GDA: variants seen among roughly 807,000 people sequenced by gnomAD.
The protein encoded by GDA is guanine deaminase, also known as cytoplasmic PSD-95 interactor.
Under a neutral mutation model 59.6 loss-of-function variants are expected in GDA, and 18 were observed. The observed-to-expected ratio is 0.30, with a 90% CI of 0.21 to 0.45. The LOEUF is 0.45. GDA is among the 20% of genes least tolerant of loss of function. The probability of loss-of-function intolerance (pLI) is 1.00; values close to 1 mark genes in which losing one functional copy is unlikely to be tolerated. For synonymous variants in GDA, 201 were observed against 201.1 expected, an observed-to-expected ratio of 1.00 and a Z score of 0.00; for missense variants, 427 against 552.3, an observed-to-expected ratio of 0.77 and a Z score of 2.27.
intron 1 of GDA, among the ~76,000 whole-genome samples, chr9:72,165,673 G>A (rs1376995634): frequency 1.3e-5 from 2 of 152,062 alleles, no homozygotes; most frequent in South Asian, 2.1e-4. Context: ...CGAGGTGGGC[G>A]GATCATCGGA....
At chr9:72,124,841 C>T (rs1030356076) in intron 1 of GDA, among the ~76,000 whole-genome samples, 1 of 152,044 alleles carries the variant, frequency 6.6e-6, no homozygotes, top group Non-Finnish European at 1.5e-5. Flanking sequence ...AACTCCTGAC[C>T]TTGTGATCCA....
intron 1 of GDA, among the ~76,000 whole-genome samples, chr9:72,172,056 T>A (rs1400215778): frequency 1.3e-5 from 2 of 152,126 alleles, no homozygotes; most frequent in East Asian, 1.9e-4. Context: ...AAGAAACACC[T>A]AAAAAATTTA....
chr9:72,219,361 C>G (rs1836563864), intron 5 of GDA, 118 bp from the exon 6 acceptor site: 4 of 683,324 alleles, frequency 5.9e-6, no homozygotes, highest in Non-Finnish European at 7.4e-6. Flanking sequence ...CGAGATCGCA[C>G]CACTTCACTC....
chr9:72,231,804 C>T (rs1046256676), intron 10 of GDA, among the ~76,000 whole-genome samples: 1 of 152,144 alleles, frequency 6.6e-6, no homozygotes, highest in Non-Finnish European at 1.5e-5. Context: ...ATTACAAATG[C>T]TGTCTCAAAA....
intron 1 of GDA, among the ~76,000 whole-genome samples, chr9:72,161,004 T>A (rs1042549263): frequency 6.6e-6 from 1 of 152,070 alleles, no homozygotes; most frequent in Non-Finnish European, 1.5e-5. Context: ...CTTCCCAAGT[T>A]CAAGCAATTC....
intron 1 of GDA, among the ~76,000 whole-genome samples, chr9:72,153,558 T>TA (rs1827497850): frequency 6.6e-6 from 1 of 150,410 alleles, no homozygotes; most frequent in Admixed American, 6.6e-5. Flanking sequence ...CTATTCACAA[T>TA]AGCAAAGACT....
chr9:72,227,847 C>G, intron 8 of GDA, 96 bp from the exon 9 acceptor site: 1 of 684,220 alleles, frequency 1.5e-6, no homozygotes, highest in Non-Finnish European at 2.6e-6. Context: ...AACAGCCAAG[C>G]TACAGCTTCG....
At chr9:72,202,894 T>TAC in intron 3 of GDA, 152 bp downstream of exon 3, 2 of 467,526 alleles carry the variant, frequency 4.3e-6, no homozygotes, top group Admixed American at 3.8e-5. Context: ...TCCAGTGAGT[T>TAC]TGTGACCACC....
chr9:72,236,833 G>A (rs1428565092), intron 10 of GDA, among the ~76,000 whole-genome samples: 3 of 143,648 alleles, frequency 2.1e-5, no homozygotes, highest in Non-Finnish European at 4.5e-5. Context: ...AAGCTGGAGT[G>A]CAGTGGCACG....
chr9:72,245,077 C>A, intron 11 of GDA, 71 bp from the exon 12 acceptor site: 3 of 1,473,768 alleles, frequency 2.0e-6, no homozygotes, highest in Admixed American at 2.0e-5. Context: ...AAAATCTGTC[C>A]TTACAAACTG....
In GDA at chr9:72,228,041, G is replaced by GT; in HGVS notation, c.920+2dup. The GT allele has an allele frequency of 6.8e-7, 1 of 1,479,778 alleles. No individual in the cohort carries two copies. Among genetic ancestry groups the GT allele is most frequent in the Non-Finnish European group, 9.4e-7 (1 of 1,059,134 alleles). 91.7% of individuals were successfully genotyped at this position (1,479,778 alleles called of 1,614,324 possible). A position where few individuals can be genotyped will look rare whatever the true frequency, so the allele number is the denominator to read the frequency against. On this transcript the variant is annotated splice_donor_variant, in intron 9 of 13. Coordinates refer to ENST00000358399, the MANE Select transcript of GDA (RefSeq NM_004293.5). LOFTEE classifies it high-confidence loss of function. ...CACACTGTCCCAATTCTAATTTATCGTAAGTAGACAATGATTGTTTGGTAG... is the reference window on the plus strand; with the variant it reads ...CACACTGTCCCAATTCTAATTTATCGTTAAGTAGACAATGATTGTTTGGTAG...
intron 9 of GDA, 31 bp downstream of exon 9, chr9:72,228,071 C>A: frequency 1.6e-6 from 2 of 1,226,268 alleles, no homozygotes; most frequent in Non-Finnish European, 2.4e-6. Context: ...TGGTAGATTA[C>A]GAATGATTGG....
chr9:72,223,609 C>A (rs1837183177), intron 7 of GDA, among the ~76,000 whole-genome samples: 1 of 152,194 alleles, frequency 6.6e-6, no homozygotes, highest in Non-Finnish European at 1.5e-5. Context: ...TCTGTACCTT[C>A]ATTCTTAGAG....
intron 3 of GDA, among the ~76,000 whole-genome samples, chr9:72,209,560 C>T (rs901800664): frequency 2.0e-5 from 3 of 151,948 alleles, no homozygotes; most frequent in African/African-American, 7.3e-5. Flanking sequence ...TTTTTTCTGA[C>T]CTTATAGATT....
At chr9:72,247,878 G>C (rs1378844804) in intron 13 of GDA, among the ~76,000 whole-genome samples, 1 of 152,122 alleles carries the variant, frequency 6.6e-6, no homozygotes, top group East Asian at 1.9e-4. Flanking sequence ...TGTTCAGTGA[G>C]CCCAGGACTG....
chr9:72,157,198 G>C (rs7848617), intron 1 of GDA, among the ~76,000 whole-genome samples: 120,287 of 151,884 alleles, frequency 0.79, 47,711 homozygotes, highest in Middle Eastern at 0.85. Context: ...CACCACCATG[G>C]CCAGCTAATT....
chr9:72,213,851 C>T, intron 4 of GDA, 35 bp from the exon 5 acceptor site: 1 of 1,002,274 alleles, frequency 1.0e-6, no homozygotes, highest in Non-Finnish European at 1.6e-6. Flanking sequence ...CAGAAACAAA[C>T]ATGCCTTCAT....
chr9:72,193,482 C>G (rs1413934602), intron 1 of GDA, among the ~76,000 whole-genome samples: 2 of 152,266 alleles, frequency 1.3e-5, no homozygotes, highest in Admixed American at 6.5e-5. Flanking sequence ...CAAACAGTCT[C>G]TCTCTCTGTT....
At chr9:72,235,924 A>G (rs1169281732) in intron 10 of GDA, among the ~76,000 whole-genome samples, 1 of 152,172 alleles carries the variant, frequency 6.6e-6, no homozygotes, top group East Asian at 1.9e-4. Context: ...CAAGACCTAT[A>G]AACTCATTAA....
Sources: gnomAD v4.1 joint callset for allele counts (sites outside exome capture counted in the v4.1 genomes callset) on GRCh38, gnomAD v4.1.1 for gene constraint, MANE v1.5 for transcripts, NCBI Gene and HGNC (gene_info 2026-07-23, HGNC 2026-07-21) for gene names.